Variants in CALN1 observed in about 807,000 individuals in gnomAD.
CALN1 encodes the protein calcium-binding protein 8.
In CALN1, 17 loss-of-function variants were observed where a neutral mutation model predicts 30.6. That is an observed-to-expected ratio of 0.56 (90% CI 0.38 to 0.83). The LOEUF is 0.83. Ranked by LOEUF, CALN1 falls within the 40% of genes least tolerant of loss-of-function variation. The pLI is 0.00. For missense variants in CALN1, 291 were observed against 354.9 expected (o/e 0.82, Z 1.45); for synonymous variants, 156 against 131.4 (o/e 1.19, Z -1.28).
intron 2 of CALN1, among the ~76,000 whole-genome samples, chr7:72,300,329 AT>A (rs1242194564): frequency 3.4e-5 from 5 of 149,156 alleles, no homozygotes; most frequent in East Asian, 3.9e-4. Flanking sequence ...CTGTAACTCT[AT>A]TTTTTTTTTC....
chr7:72,070,517 G>A (rs1804318085), intron 4 of CALN1, among the ~76,000 whole-genome samples: 1 of 152,060 alleles, frequency 6.6e-6, no homozygotes, highest in South Asian at 2.1e-4. Flanking sequence ...CATAATTATT[G>A]GTGATTCATG....
intron 3 of CALN1, among the ~76,000 whole-genome samples, chr7:72,272,587 A>G (rs1321439777): frequency 1.3e-5 from 2 of 152,134 alleles, no homozygotes; most frequent in Admixed American, 6.6e-5. Flanking sequence ...AGAAAGAAAA[A>G]GAAATATTAA....
At chr7:72,405,383 T>TA (rs1408895244) in intron 1 of CALN1, among the ~76,000 whole-genome samples, 1 of 152,150 alleles carries the variant, frequency 6.6e-6, no homozygotes, top group African/African-American at 2.4e-5. Context: ...CCATCTAGCA[T>TA]AGCTTGGGAG....
intron 5 of CALN1, among the ~76,000 whole-genome samples, chr7:71,980,168 T>C (rs1205349606): frequency 6.9e-6 from 1 of 145,792 alleles, no homozygotes; most frequent in Non-Finnish European, 1.5e-5. Context: ...TGAGCCACCA[T>C]GCCTGGCCTC....
rs536606064 is a variant in CALN1, at chr7:71,857,062, C to T, written c.502-46570G>A. Among the ~76,000 whole-genome samples the T allele has an allele frequency of 2.4e-5, 3 of 127,602 alleles. 1 individual carries two copies. The highest frequency in any genetic ancestry group is 1.7e-5 in the Non-Finnish European group (1 of 57,666). The allele number at this position is 127,602 out of a possible 152,430, so 83.7% of individuals were successfully genotyped here. ...TGTGTGTGTGTGTGTGTGTGTGTTGCAAACTAAATTTGTCCAGGCCTAAGT... is the reference window on the plus strand; with the variant it reads ...TGTGTGTGTGTGTGTGTGTGTGTTGTAAACTAAATTTGTCCAGGCCTAAGT... On this transcript the variant is annotated intron_variant, in intron 5 of 6. Transcript: ENST00000395275.
At chr7:71,950,009 G>T (rs1240381173) in intron 5 of CALN1, among the ~76,000 whole-genome samples, 1 of 152,090 alleles carries the variant, frequency 6.6e-6, no homozygotes, top group African/African-American at 2.4e-5. Flanking sequence ...TGATCTGCCT[G>T]CCTCAGCCTC....
At chr7:72,042,832 A>T (rs1802215566) in intron 4 of CALN1, among the ~76,000 whole-genome samples, 1 of 152,216 alleles carries the variant, frequency 6.6e-6, no homozygotes, top group African/African-American at 2.4e-5. Context: ...AACCACTCTT[A>T]AAAGTTTTAG....
intron 3 of CALN1, among the ~76,000 whole-genome samples, chr7:72,240,529 A>AAC (rs772861251): frequency 1.0e-3 from 155 of 152,288 alleles, no homozygotes; most frequent in Non-Finnish European, 1.8e-3. Flanking sequence ...GCCAGTGTCT[A>AAC]ACAAACACAG....
At chr7:71,853,920 T>G (rs1790791995) in intron 5 of CALN1, among the ~76,000 whole-genome samples, 1 of 152,164 alleles carries the variant, frequency 6.6e-6, no homozygotes, top group Non-Finnish European at 1.5e-5. Flanking sequence ...GTCCATTTTT[T>G]AATGGTTCGT....
chr7:71,959,588 A>G (rs1196082103), intron 5 of CALN1, among the ~76,000 whole-genome samples: 1 of 151,146 alleles, frequency 6.6e-6, no homozygotes, highest in African/African-American at 2.4e-5. Flanking sequence ...ACATCTCTAC[A>G]TATTCCAGGG....
At chr7:72,082,235 C>G (rs530434484) in intron 4 of CALN1, among the ~76,000 whole-genome samples, 3 of 152,328 alleles carry the variant, frequency 2.0e-5, no homozygotes, top group East Asian at 3.9e-4. Context: ...ATCTGCCCAC[C>G]TCACCCTCCC....
At chr7:72,336,319 G>C (rs1243460845) in intron 2 of CALN1, among the ~76,000 whole-genome samples, 1 of 152,140 alleles carries the variant, frequency 6.6e-6, no homozygotes, top group Non-Finnish European at 1.5e-5. Flanking sequence ...CCCATCGCCC[G>C]GGCGCCTGCG....
intron 5 of CALN1, among the ~76,000 whole-genome samples, chr7:72,022,328 C>G (rs758417118): frequency 8.5e-5 from 13 of 152,222 alleles, no homozygotes; most frequent in Non-Finnish European, 1.8e-4. Flanking sequence ...GTCTAGTGAC[C>G]ATCACACTAA....
intron 2 of CALN1, among the ~76,000 whole-genome samples, chr7:72,342,879 A>G (rs1256518760): frequency 1.3e-5 from 2 of 152,212 alleles, no homozygotes; most frequent in South Asian, 4.1e-4. Flanking sequence ...TTCAAAAAAT[A>G]CATGTTGGAA....
chr7:72,411,995 A>G (rs1426257133), intron 1 of CALN1, 63 bp downstream of exon 1: 4 of 152,128 alleles, frequency 2.6e-5, no homozygotes, highest in Non-Finnish European at 5.9e-5. Context: ...TGGCTCCCAA[A>G]CCTGGCCCAG....
intron 4 of CALN1, among the ~76,000 whole-genome samples, chr7:72,040,130 T>TA (rs1344170153): frequency 2.0e-5 from 3 of 152,158 alleles, no homozygotes; most frequent in African/African-American, 7.2e-5. Flanking sequence ...AAAATTCAAC[T>TA]ATTTCCCAAG....
intron 2 of CALN1, among the ~76,000 whole-genome samples, chr7:72,286,998 A>G (rs1234219323): frequency 6.6e-6 from 1 of 152,208 alleles, no homozygotes; most frequent in African/African-American, 2.4e-5. Context: ...GAAAAGGTGC[A>G]TGCATTTGCA....
At position 72,090,456 on chromosome 7, in the gene CALN1, TA is replaced by T. The variant is rs1304445830; in HGVS notation, c.388+15694del. Among the ~76,000 whole-genome samples, 5 of 152,132 alleles carry T rather than the reference TA, an allele frequency of 3.3e-5. No homozygotes were observed. The East Asian group carries it at 9.6e-4, about 29-fold the overall frequency. ...TAATGAAAACATCAAAACCGTCTATTAAAATTTGAGAGATATTACTGAGACT... is the reference window on the plus strand; with the variant it reads ...TAATGAAAACATCAAAACCGTCTATTAAATTTGAGAGATATTACTGAGACT... On this transcript the variant is annotated intron_variant, in intron 4 of 6. Coordinates refer to ENST00000395275, the MANE Select transcript of CALN1 (RefSeq NM_031468.4).
chr7:72,448,754 C>T (rs931763403), upstream of CALN1, among the ~76,000 whole-genome samples: 4 of 151,960 alleles, frequency 2.6e-5, no homozygotes, highest in Admixed American at 2.0e-4. Flanking sequence ...TACAGATGTG[C>T]ACCACCATGC....
Sources: gnomAD v4.1 joint callset for allele counts (sites outside exome capture counted in the v4.1 genomes callset) on GRCh38, gnomAD v4.1.1 for gene constraint, MANE v1.5 for transcripts, NCBI Gene and HGNC (gene_info 2026-07-23, HGNC 2026-07-21) for gene names.